Variants in ATG4C observed in about 807,000 individuals in gnomAD.
The protein encoded by ATG4C is cysteine protease ATG4C.
Under a neutral mutation model 57.6 loss-of-function variants are expected in ATG4C, and 56 were observed. The ratio of observed to expected loss-of-function variants is 0.97; its 90% confidence interval spans 0.78 to 1.21. The LOEUF (loss-of-function observed/expected upper bound fraction) is 1.21, where lower values mean the gene tolerates loss of function less well. Among genes scored for constraint, ATG4C ranks in the 50% most tolerant of loss-of-function variants. The pLI is 0.00. For synonymous variants in ATG4C, 157 were observed against 174.1 expected (o/e 0.90, Z 0.78); for missense variants, 595 against 529.8 (o/e 1.12, Z -1.21).
At chr1:62,847,610 G>A (rs1258560214) in intron 10 of ATG4C, among the ~76,000 whole-genome samples, 1 of 152,096 alleles carries the variant, frequency 6.6e-6, no homozygotes, top group Non-Finnish European at 1.5e-5. Flanking sequence ...AAATCACCAG[G>A]AGAAGAGTGA....
intron 3 of ATG4C, among the ~76,000 whole-genome samples, chr1:62,810,626 T>G (rs764559011): frequency 6.6e-6 from 1 of 152,140 alleles, no homozygotes; most frequent in Non-Finnish European, 1.5e-5. Context: ...ACGAAACATC[T>G]TGTTTTCTTC....
At chr1:62,826,525 C>G (rs578189508) in intron 6 of ATG4C, among the ~76,000 whole-genome samples, 127 of 152,240 alleles carry the variant, frequency 8.3e-4, no homozygotes, top group African/African-American at 2.9e-3. Context: ...CGTGAGCTAC[C>G]ACGCCCGGCC....
intron 1 of ATG4C, among the ~76,000 whole-genome samples, chr1:62,790,887 C>A (rs939587569): frequency 2.0e-5 from 3 of 152,154 alleles, no homozygotes; most frequent in African/African-American, 7.2e-5. Flanking sequence ...ACTGATGATA[C>A]AATTCAAGCA....
At chr1:62,815,965 G>A (rs912157586) in intron 3 of ATG4C, among the ~76,000 whole-genome samples, 2 of 151,966 alleles carry the variant, frequency 1.3e-5, no homozygotes, top group Non-Finnish European at 2.9e-5. Context: ...GATTACAGGC[G>A]TGAGCCACCG....
At chr1:62,842,815 C>G (rs1204764153) in intron 10 of ATG4C, among the ~76,000 whole-genome samples, 2 of 152,096 alleles carry the variant, frequency 1.3e-5, no homozygotes, top group African/African-American at 4.8e-5. Flanking sequence ...CACAGTTGTT[C>G]TCTTTTCATT....
intron 10 of ATG4C, among the ~76,000 whole-genome samples, chr1:62,857,191 G>A (rs569515194): frequency 2.6e-5 from 4 of 152,238 alleles, no homozygotes; most frequent in East Asian, 3.9e-4. Context: ...GAAGGTGAGC[G>A]GCGGGTTAGC....
chr1:62,790,303 T>A (rs1194265625), intron 1 of ATG4C, among the ~76,000 whole-genome samples: 1 of 152,178 alleles, frequency 6.6e-6, no homozygotes, highest in Non-Finnish European at 1.5e-5. Context: ...TCCTTCCAAT[T>A]CCTGTTTATA....
At chr1:62,813,309 A>G (rs922724027) in intron 3 of ATG4C, among the ~76,000 whole-genome samples, 4 of 152,152 alleles carry the variant, frequency 2.6e-5, no homozygotes, top group African/African-American at 7.2e-5. Context: ...ATCTACAACC[A>G]TCTGATCCTT....
At chr1:62,854,109 C>CT (rs972499862) in intron 10 of ATG4C, among the ~76,000 whole-genome samples, 14 of 151,328 alleles carry the variant, frequency 9.3e-5, no homozygotes, top group Middle Eastern at 3.4e-3. Context: ...GAATTCCTTT[C>CT]TTTTTTTGGA....
chr1:62,818,649 C>T (rs1267438452), intron 4 of ATG4C, among the ~76,000 whole-genome samples: 2 of 151,846 alleles, frequency 1.3e-5, no homozygotes, highest in Admixed American at 1.3e-4. Flanking sequence ...TTGTCTTGTA[C>T]CTTTGTTTTT....
intron 10 of ATG4C, among the ~76,000 whole-genome samples, chr1:62,841,757 G>C (rs1572158130): frequency 6.6e-6 from 1 of 152,116 alleles, no homozygotes; most frequent in Non-Finnish European, 1.5e-5. Context: ...TGAAAGTATT[G>C]ATTGGTCCAC....
chr1:62,835,346 T>TC, intron 9 of ATG4C: 1 of 328,870 alleles, frequency 3.0e-6, no homozygotes, highest in South Asian at 2.6e-5. Context: ...TAATTTTTTT[T>TC]GAGCTTTTAT....
intron 7 of ATG4C, among the ~76,000 whole-genome samples, chr1:62,832,180 A>G (rs943292870): frequency 1.9e-4 from 21 of 110,648 alleles, no homozygotes; most frequent in African/African-American, 6.6e-4. Flanking sequence ...TTTTAACCTG[A>G]TATGCTTTCT....
chr1:62,832,949 A>G (rs1665887063), intron 7 of ATG4C, among the ~76,000 whole-genome samples: 1 of 152,180 alleles, frequency 6.6e-6, no homozygotes. Flanking sequence ...ATAAAATTGT[A>G]TTTGTAAATC....
In ATG4C at chr1:62,834,843, C is replaced by G. The variant is rs867630422; in HGVS notation, c.1080C>G (p.Phe360Leu). ...TTGTAGATGTCAGCATAAAGGATTT[C>G]CCTCTTGAGGTACTGTGGATAAAAA... ...QSFVDVSIKD[F>L]PLETFHCPSP... Residue 360 changes from phenylalanine to leucine, a missense_variant, in exon 9 of 11, where the codon TTC becomes TTG. Coordinates refer to ENST00000317868, the MANE Select transcript of ATG4C (RefSeq NM_032852.4). 1 of 1,611,402 alleles carries G rather than the reference C, an allele frequency of 6.2e-7. No individual in the cohort carries two copies. Among genetic ancestry groups the G allele is most frequent in the Non-Finnish European group, 8.5e-7 (1 of 1,178,156 alleles).
chr1:62,849,992 T>C (rs1572169099), intron 10 of ATG4C, among the ~76,000 whole-genome samples: 2 of 152,356 alleles, frequency 1.3e-5, no homozygotes, highest in South Asian at 4.1e-4. Context: ...AAGTTTTGTT[T>C]CTATTTCATT....
At chr1:62,793,576 A>C (rs1448275592) in intron 1 of ATG4C, among the ~76,000 whole-genome samples, 1 of 146,334 alleles carries the variant, frequency 6.8e-6, no homozygotes, top group Non-Finnish European at 1.5e-5. Flanking sequence ...CAGCCTGGGC[A>C]ACAGAGTAAG....
At chr1:62,848,685 C>T (rs971964501) in intron 10 of ATG4C, among the ~76,000 whole-genome samples, 5 of 152,160 alleles carry the variant, frequency 3.3e-5, no homozygotes. Flanking sequence ...TAAAGACATT[C>T]TCCTACATAA....
At position 62,798,277 on chromosome 1, in the gene ATG4C, T is replaced by C. The variant is rs144204398; in HGVS notation, c.-68-5442T>C. 1.4e-3 allele frequency among the ~76,000 whole-genome samples: 207 copies of C among 152,360 alleles called. 3 individuals carry two copies. In the East Asian group the frequency reaches 0.036, roughly 26 times the overall value. On this transcript the variant is annotated intron_variant, in intron 1 of 10. Transcript: ENST00000317868. Reference sequence around the variant, plus strand: ...AGTCATCTAGCTTTATTTTAAAAACTGTCTAGCTTATTGTTTTAGCATTAT... The same window carrying C: ...AGTCATCTAGCTTTATTTTAAAAACCGTCTAGCTTATTGTTTTAGCATTAT...
Sources: allele counts gnomAD v4.1 joint callset (sites outside exome capture counted in the v4.1 genomes callset), GRCh38; gene constraint gnomAD v4.1.1; transcripts MANE v1.5; gene names NCBI Gene and HGNC (gene_info 2026-07-23, HGNC 2026-07-21).